The following FAAH2 variants were observed in gnomAD, a reference collection of about 807,000 sequenced individuals.
FAAH2 encodes the protein fatty-acid amide hydrolase 2.
A neutral mutation model predicts 36.9 loss-of-function variants in FAAH2; 60 were observed. The observed-to-expected ratio is 1.63, with a 90% confidence interval of 1.32 to 2.02. The LOEUF is 2.02. Among genes scored for constraint, FAAH2 ranks in the 30% most tolerant of loss-of-function variants. The pLI is 0.00. For missense variants in FAAH2, 689 were observed against 397.5 expected, an observed-to-expected ratio of 1.73 and a Z score of -6.23; for synonymous variants, 214 against 143.8, an observed-to-expected ratio of 1.49 and a Z score of -3.49.
the FAAH2 span, among the ~76,000 whole-genome samples, chrX:57,275,089 C>A: frequency 8.9e-6 from 1 of 111,865 alleles, no homozygotes; most frequent in Non-Finnish European, 1.9e-5. Flanking sequence ...GCAAAAATCA[C>A]AGGCATTCTT....
At chrX:57,318,752 C>T (rs985464468) in intron 3 of FAAH2, among the ~76,000 whole-genome samples, 10 of 111,945 alleles carry the variant, frequency 8.9e-5, no homozygotes, top group Non-Finnish European at 5.6e-5. Flanking sequence ...CCTTGATGAA[C>T]ATCTATGCAA....
chrX:57,393,814 G>A, intron 7 of FAAH2: 1 of 869,672 alleles, frequency 1.1e-6, no homozygotes, highest in African/African-American at 2.0e-5. Flanking sequence ...GTCCAATCGT[G>A]ATCTTCCTCA....
intron 3 of FAAH2, among the ~76,000 whole-genome samples, chrX:57,323,715 A>AGTTCTTT (rs1231083107): frequency 1.9e-5 from 1 of 51,591 alleles, no homozygotes; most frequent in African/African-American, 8.1e-5. Context: ...AACTTGTTTG[A>AGTTCTTT]GTTCTTTGTA....
intron 3 of FAAH2, among the ~76,000 whole-genome samples, chrX:57,318,239 G>T (rs1310591010): frequency 1.8e-5 from 2 of 111,218 alleles, no homozygotes; most frequent in Non-Finnish European, 3.8e-5. Flanking sequence ...CTGGTTTTTT[G>T]AAAAGATTAA....
At chrX:57,457,389 C>T (rs1287012608) in intron 10 of FAAH2, among the ~76,000 whole-genome samples, 2 of 110,694 alleles carry the variant, frequency 1.8e-5, no homozygotes, top group Admixed American at 9.7e-5. Context: ...GGAACTGGAA[C>T]AAGACAAGTA....
intron 8 of FAAH2, among the ~76,000 whole-genome samples, chrX:57,434,188 G>T (rs1364322395): frequency 9.7e-6 from 1 of 102,815 alleles, no homozygotes; most frequent in Non-Finnish European, 2.0e-5. Context: ...TTGTTTTCCT[G>T]CCTCAGCCTC....
At chrX:57,199,852 C>T in the FAAH2 span, among the ~76,000 whole-genome samples, 2 of 112,060 alleles carry the variant, frequency 1.8e-5, no homozygotes, top group Non-Finnish European at 3.8e-5. Flanking sequence ...TCTTCTTTGA[C>T]TCTTCTTACA....
intron 2 of FAAH2, among the ~76,000 whole-genome samples, chrX:57,292,930 A>G (rs2052027505): frequency 9.0e-6 from 1 of 111,664 alleles, no homozygotes; most frequent in African/African-American, 3.3e-5. Context: ...GAACCCCCCT[A>G]CACATGCACA....
chrX:57,361,923 A>G (rs1442947973), intron 5 of FAAH2, among the ~76,000 whole-genome samples: 1 of 111,194 alleles, frequency 9.0e-6, no homozygotes, highest in Non-Finnish European at 1.9e-5. Flanking sequence ...CAATAGTCTA[A>G]GTTCAAAGTT....
the FAAH2 span, among the ~76,000 whole-genome samples, chrX:57,219,475 C>T: frequency 8.9e-6 from 1 of 111,904 alleles, no homozygotes; most frequent in East Asian, 2.8e-4. Context: ...ACTGATCTCG[C>T]CTACTGGTAA....
chrX:57,381,911 C>T (rs981823069), intron 7 of FAAH2, among the ~76,000 whole-genome samples: 4 of 111,463 alleles, frequency 3.6e-5, no homozygotes, highest in African/African-American at 6.5e-5. Context: ...CCAAAATTGA[C>T]CACATAGTTG....
Position 57,378,568 on chromosome X carries a change from A to T in FAAH2, c.743-83A>T, listed in dbSNP as rs758711451. The stretch of plus-strand genomic sequence containing the variant: ...TTAACCAGGAGAAAAAGTATTTAAG[A>T]TAGATTAAACACCATAATGAAATAC... On this transcript the variant is annotated intron_variant, in intron 5 of 10. Transcript: ENST00000374900. 3.6e-6 allele frequency: 4 copies of T among 1,125,158 alleles called. No homozygotes were observed. The South Asian group carries it at 6.0e-5, about 17-fold the overall frequency. 92.7% of individuals were successfully genotyped at this position (1,125,158 alleles called of 1,213,427 possible).
chrX:57,243,065 G>T, the FAAH2 span, among the ~76,000 whole-genome samples: 3 of 111,472 alleles, frequency 2.7e-5, no homozygotes, highest in African/African-American at 9.8e-5. Context: ...AGGTTGGTGG[G>T]GGGAGGGGTG....
At chrX:57,380,807 A>G (rs991215517) in intron 6 of FAAH2, 105 bp from the exon 7 acceptor site, 2 of 479,622 alleles carry the variant, frequency 4.2e-6, no homozygotes, top group African/African-American at 5.0e-5. Flanking sequence ...CACAGTGCTC[A>G]GGGAAAAAAA....
rs768151190 is a variant in FAAH2 at position 57,448,622 on chromosome X, C to T, written c.1327C>T (p.Leu443=). Residue 443 remains leucine, a synonymous_variant, in exon 10 of 11, where the codon CTA becomes TTA. Transcript: ENST00000374900. ...ESLRKELVDM[L]GDDGVFLYPS... ...CCTGCGTAAAGAGCTGGTGGATATG[C>T]TAGGTGATGATGGTGTGTTCTTATA... 7.4e-6 allele frequency: 9 copies of T among 1,211,181 alleles called. No individual in the cohort carries two copies. The highest frequency in any genetic ancestry group is 1.0e-5 in the Non-Finnish European group (9 of 895,072).
the FAAH2 span, among the ~76,000 whole-genome samples, chrX:57,174,561 T>G: frequency 8.9e-6 from 1 of 111,791 alleles, no homozygotes; most frequent in African/African-American, 3.2e-5. Context: ...TATTAATTTT[T>G]GGGGGGAATC....
intron 10 of FAAH2, among the ~76,000 whole-genome samples, chrX:57,461,613 G>C (rs2056959098): frequency 9.0e-6 from 1 of 111,205 alleles, no homozygotes; most frequent in African/African-American, 3.3e-5. Flanking sequence ...TGAGAACCAA[G>C]ACAGAACATA....
chrX:57,335,966 C>T (rs1377665354), intron 4 of FAAH2, among the ~76,000 whole-genome samples: 3 of 111,647 alleles, frequency 2.7e-5, no homozygotes, highest in Non-Finnish European at 5.6e-5. Flanking sequence ...TGACACAGCA[C>T]ATGTTTCAGG....
At chrX:57,487,439 G>A (rs1041492771) in intron 10 of FAAH2, among the ~76,000 whole-genome samples, 2 of 111,494 alleles carry the variant, frequency 1.8e-5, no homozygotes, top group African/African-American at 3.3e-5. Context: ...ATAATAAGAC[G>A]ATAACCCAAC....
Sources: allele counts gnomAD v4.1 joint callset (sites outside exome capture counted in the v4.1 genomes callset), GRCh38; gene constraint gnomAD v4.1.1; transcripts MANE v1.5; gene names NCBI Gene and HGNC (gene_info 2026-07-23, HGNC 2026-07-21).